Variants in CHD2 observed in about 807,000 individuals in gnomAD.
CHD2 encodes ATP-dependent chromatin remodeler CHD2.
In CHD2, 28 loss-of-function variants were observed where a neutral mutation model predicts 243.9. That is an observed-to-expected ratio of 0.11 (90% CI 0.09 to 0.16). The LOEUF is 0.16. Ranked by LOEUF, CHD2 falls within the 10% of genes least tolerant of loss-of-function variation. The pLI is 1.00. For missense variants in CHD2, 1,386 were observed against 2,209.8 expected, an observed-to-expected ratio of 0.63 and a Z score of 7.47; for synonymous variants, 775 against 779.0, an observed-to-expected ratio of 0.99 and a Z score of 0.09.
Position 93,004,617 on chromosome 15 carries a change from C to G in CHD2, c.4279C>G (p.Pro1427Ala). Residue 1427 changes from proline (P) to alanine (A), a missense_variant and splice_region_variant, in exon 34 of 39, where the codon CCT (proline) becomes GCT (alanine). Pro to Ala is a conservative substitution (Grantham distance 27, BLOSUM62 -1). Transcript: ENST00000394196. ...RKKSKDKKEK[P>A]KSGDAKSSSK... ...ACTCCTTGTAACTCTTTTTTAAAAGCCTAAAAGTGGTGATGCCAAATCTTC... is the reference window on the plus strand; with the variant it reads ...ACTCCTTGTAACTCTTTTTTAAAAGGCTAAAAGTGGTGATGCCAAATCTTC... 7 of 1,608,966 alleles carry G rather than the reference C, an allele frequency of 4.4e-6. No homozygotes were observed. The highest frequency in any genetic ancestry group is 2.2e-5 in the South Asian group (2 of 90,260).
At chr15:92,976,727 C>T (rs2053914170) in intron 20 of CHD2, among the ~76,000 whole-genome samples, 1 of 151,046 alleles carries the variant, frequency 6.6e-6, no homozygotes, top group Admixed American at 6.6e-5. Flanking sequence ...ATAGCAAGAC[C>T]CTATCTCTAC....
chr15:92,967,175 CTT>C (rs2141830347), intron 16 of CHD2, 148 bp from the exon 17 acceptor site: 1 of 567,206 alleles, frequency 1.8e-6, no homozygotes, highest in African/African-American at 1.9e-5. Context: ...TTTCATTTTA[CTT>C]TTCCCCTTTT....
rs565746357 is a variant in CHD2 at position 92,952,865 on chromosome 15, TTA to T, written c.1503-491_1503-490del. 1.9e-4 allele frequency among the ~76,000 whole-genome samples: 29 copies of T among 152,328 alleles called. No individual in the cohort carries two copies. The East Asian group carries it at 1.9e-3, about 10-fold the overall frequency. On this transcript the variant is annotated intron_variant, in intron 13 of 38. Coordinates refer to ENST00000394196, the MANE Select transcript of CHD2 (RefSeq NM_001271.4). ...ACCCCTGCTTTAGACCAAAGTGTAT[TTA>T]AAACAAGCCCCATGCACCTATACAT...
At chr15:92,916,306 G>A (rs1263825944) in intron 2 of CHD2, among the ~76,000 whole-genome samples, 2 of 152,290 alleles carry the variant, frequency 1.3e-5, no homozygotes, top group East Asian at 3.9e-4. Context: ...TTTCTAAATT[G>A]ATTGAGCTCT....
At chr15:92,986,525 C>T (rs993506514) in intron 26 of CHD2, among the ~76,000 whole-genome samples, 1 of 152,076 alleles carries the variant, frequency 6.6e-6, no homozygotes, top group African/African-American at 2.4e-5. Flanking sequence ...AACACATCCC[C>T]TCTTGTGCTT....
intron 7 of CHD2, among the ~76,000 whole-genome samples, chr15:92,939,925 T>G (rs1031371520): frequency 1.3e-5 from 2 of 152,220 alleles, no homozygotes; most frequent in African/African-American, 2.4e-5. Context: ...AATAGCTCAT[T>G]TGAAGCCTTC....
chr15:92,983,010 A>G (rs2053998876), intron 24 of CHD2, among the ~76,000 whole-genome samples: 1 of 152,164 alleles, frequency 6.6e-6, no homozygotes, highest in Admixed American at 6.5e-5. Flanking sequence ...GGAGGCTCTC[A>G]GGTTGCAGAC....
intron 16 of CHD2, among the ~76,000 whole-genome samples, chr15:92,961,814 T>G (rs940187619): frequency 2.0e-5 from 3 of 151,998 alleles, no homozygotes; most frequent in African/African-American, 7.2e-5. Flanking sequence ...GGCTTAACAA[T>G]TTTGATGCTC....
intron 38 of CHD2, chr15:93,021,442 A>G (rs1474275368): frequency 6.6e-6 from 1 of 152,178 alleles, no homozygotes; most frequent in Non-Finnish European, 1.5e-5. Flanking sequence ...ATCTTCTTCA[A>G]ATATTTTTTC....
intron 24 of CHD2, among the ~76,000 whole-genome samples, chr15:92,983,255 A>G (rs1230550099): frequency 1.3e-5 from 2 of 152,200 alleles, no homozygotes; most frequent in Non-Finnish European, 1.5e-5. Flanking sequence ...TTTCTTCAGC[A>G]ATAAAAACCT....
intron 28 of CHD2, among the ~76,000 whole-genome samples, chr15:92,993,393 A>G (rs2054146108): frequency 6.6e-6 from 1 of 152,226 alleles, no homozygotes; most frequent in Non-Finnish European, 1.5e-5. Context: ...GGCAAACACA[A>G]AGGATTTAGA....
intron 22 of CHD2, among the ~76,000 whole-genome samples, chr15:92,979,897 G>T (rs367747151): frequency 6.6e-6 from 1 of 151,104 alleles, no homozygotes; most frequent in Non-Finnish European, 1.5e-5. Flanking sequence ...CAGCCTGGGC[G>T]ACCGATAATA....
At position 93,024,415 on chromosome 15, in the gene CHD2, C is replaced by G. The variant is rs1461476360; in HGVS notation, c.5197C>G (p.Pro1733Ala). 4.3e-6 allele frequency: 7 copies of G among 1,614,004 alleles called. No homozygotes were observed. Among genetic ancestry groups the G allele is most frequent in the Middle Eastern group, 3.3e-4 (2 of 6,084 alleles). Residue 1733 changes from proline to alanine, a missense_variant, in exon 39 of 39, where the codon CCT (proline) becomes GCT (alanine). By Grantham distance (27) the Pro-to-Ala change is conservative. Transcript: ENST00000394196. ...SKRRRSDEFRPQNYHQQDFRR... is the reference protein window; with the variant it reads ...SKRRRSDEFRAQNYHQQDFRR... ...GCGGAGGAGATCCGATGAATTTAGG[C>G]CTCAAAATTACCACCAGCAGGATTT...
At chr15:93,018,257 A>C (rs2054487688) in intron 37 of CHD2, among the ~76,000 whole-genome samples, 2 of 152,198 alleles carry the variant, frequency 1.3e-5, no homozygotes. Context: ...AATAGTCAAA[A>C]GTTTTTTACT....
Position 93,026,247 on chromosome 15 carries a change from G to T in CHD2, c.*1542G>T, listed in dbSNP as rs1041916344. On this transcript the variant is annotated 3_prime_UTR_variant, in exon 39 of 39. Transcript: ENST00000394196. Reference sequence around the variant, plus strand: ...CTGTAAGTGTCCAGGCTCAGAGCTGGTGAAAACCCTTCTGTTGGGCGTGTG... The same window carrying T: ...CTGTAAGTGTCCAGGCTCAGAGCTGTTGAAAACCCTTCTGTTGGGCGTGTG... The T allele has an allele frequency of 1.3e-5, 2 of 152,662 alleles. No homozygotes were observed. Among genetic ancestry groups the T allele is most frequent in the African/African-American group, 4.8e-5 (2 of 41,454 alleles). 9.5% of individuals were successfully genotyped at this position (152,662 alleles called of 1,614,324 possible).
At chr15:92,927,367 TC>T in intron 4 of CHD2, 37 bp downstream of exon 4, 1 of 1,410,480 alleles carries the variant, frequency 7.1e-7, no homozygotes, top group Non-Finnish European at 1.0e-6. Context: ...GCATTTAAAC[TC>T]CCTATCTTAC....
intron 6 of CHD2, among the ~76,000 whole-genome samples, chr15:92,937,968 A>G (rs746008378): frequency 1.3e-5 from 2 of 152,226 alleles, no homozygotes; most frequent in East Asian, 1.9e-4. Flanking sequence ...CATAAAATCT[A>G]TATAACATTA....
intron 37 of CHD2, 39 bp from the exon 38 acceptor site, chr15:93,019,972 AT>A: frequency 6.4e-7 from 1 of 1,564,624 alleles, no homozygotes; most frequent in Non-Finnish European, 8.6e-7. Context: ...AAATTCATCC[AT>A]TTCTTGCAGT....
At chr15:92,919,543 A>G (rs2052913942) in intron 2 of CHD2, among the ~76,000 whole-genome samples, 1 of 151,978 alleles carries the variant, frequency 6.6e-6, no homozygotes, top group African/African-American at 2.4e-5. Flanking sequence ...CAGGCACACT[A>G]CCATGCCCAG....
Sources: allele counts gnomAD v4.1 joint callset (sites outside exome capture counted in the v4.1 genomes callset), GRCh38; gene constraint gnomAD v4.1.1; transcripts MANE v1.5; gene names NCBI Gene and HGNC (gene_info 2026-07-23, HGNC 2026-07-21).